The following NIBAN3 variants were observed in gnomAD, a reference collection of about 807,000 sequenced individuals.
NIBAN3 encodes niban apoptosis regulator 3, also known as protein Niban 3.
A neutral mutation model predicts 76.4 loss-of-function variants in NIBAN3; 66 were observed. The ratio of observed to expected loss-of-function variants is 0.86; its 90% CI spans 0.71 to 1.06. The LOEUF is 1.06. NIBAN3 is among the 50% of genes least tolerant of loss of function. The pLI is 0.00. For synonymous variants in NIBAN3, 360 were observed against 355.2 expected, an observed-to-expected ratio of 1.01 and a Z score of -0.15; for missense variants, 808 against 810.7, an observed-to-expected ratio of 1.00 and a Z score of 0.04.
Position 17,543,585 on chromosome 19 carries a change from T to A in NIBAN3, c.1508T>A (p.Ile503Asn). Residue 503 changes from isoleucine (I) to asparagine (N), a missense_variant, in exon 12 of 15, where the codon ATC becomes AAC. By Grantham distance (149) the Ile-to-Asn change is moderately radical. Coordinates refer to ENST00000599164, the MANE Select transcript of NIBAN3 (RefSeq NM_001321827.2). ...TTCATCCGAGGCTGGGGTCTCTGCA[T>A]CTTTTTACCTTTTGTGCTGAGCCAA... ...RRFIRGWGLC[I>N]FLPFVLSQLE... The A allele has an allele frequency of 6.2e-7, 1 of 1,614,142 alleles. No homozygotes were observed. The highest frequency in any genetic ancestry group is 8.5e-7 in the Non-Finnish European group (1 of 1,180,022).
At position 17,537,502 on chromosome 19, in the gene NIBAN3, GGA is replaced by G; in HGVS notation, c.556_557del (p.Arg186AlafsTer224). 6.2e-7 allele frequency: 1 copy of G among 1,611,208 alleles called. No homozygotes were observed. Among genetic ancestry groups the G allele is most frequent in the Non-Finnish European group, 8.5e-7 (1 of 1,179,870 alleles). ...GCCACCAGGGAGGCACAGCATGCCTGGAGGCTGGCCCTGCAGGGTGGCATCCG... is the reference window on the plus strand; with the variant it reads ...GCCACCAGGGAGGCACAGCATGCCTGGGCTGGCCCTGCAGGGTGGCATCCG... On this transcript the variant is annotated frameshift_variant, in exon 5 of 15. Transcript: ENST00000599164. LOFTEE classifies it high-confidence loss of function.
chr19:17,551,240 C>T (rs2076150148), intron 14 of NIBAN3, among the ~76,000 whole-genome samples: 1 of 151,630 alleles, frequency 6.6e-6, no homozygotes, highest in Non-Finnish European at 1.5e-5. Flanking sequence ...GGATTACAGG[C>T]GTCCACCACC....
In NIBAN3 at chr19:17,549,492, G is replaced by A; in HGVS notation, c.1715G>A (p.Gly572Asp). 1.2e-6 allele frequency: 2 copies of A among 1,613,934 alleles called. No individual in the cohort carries two copies. Among genetic ancestry groups the A allele is most frequent in the South Asian group, 2.2e-5 (2 of 91,086 alleles). The change falls in exon 14 of 15, where the codon GGC becomes GAC. Residue 572 changes from glycine (G) to aspartate (D), a missense_variant. By Grantham distance (94) the Gly-to-Asp change is moderately conservative (BLOSUM62 -1). Transcript: ENST00000599164. ...AATGATGTATCCTGCACTCTGGACG[G>A]CTGCTTGGAGGTCCCATGGGAACAG... ...GANDVSCTLD[G>D]CLEVPWEQEG...
At chr19:17,543,883 T>C (rs2076001947) in intron 12 of NIBAN3, 1 of 271,920 alleles carries the variant, frequency 3.7e-6, no homozygotes, top group Admixed American at 5.0e-5. Context: ...TTCCAGCTAC[T>C]CAGGAGGCTG....
Position 17,530,795 on chromosome 19 carries a change from C to T in NIBAN3, c.96C>T (p.Tyr32=). ...DTLLRNFLPC[Y]RGQLAASVLR... Reference sequence around the variant, plus strand: ...TGCTGAGGAACTTCCTGCCTTGCTACCGTGGGCAGCTGGCAGCGTCTGTCC... The same window carrying T: ...TGCTGAGGAACTTCCTGCCTTGCTATCGTGGGCAGCTGGCAGCGTCTGTCC... The change falls in exon 2 of 15, where the codon TAC becomes TAT. Residue 32 remains tyrosine (Y), a synonymous_variant. Coordinates refer to ENST00000599164, the MANE Select transcript of NIBAN3 (RefSeq NM_001321827.2). 6.2e-7 allele frequency: 1 copy of T among 1,613,302 alleles called. No individual in the cohort carries two copies. The highest frequency in any genetic ancestry group is 8.5e-7 in the Non-Finnish European group (1 of 1,179,570).
intron 1 of NIBAN3, among the ~76,000 whole-genome samples, chr19:17,527,667 C>A (rs998231053): frequency 1.3e-5 from 2 of 152,184 alleles, no homozygotes; most frequent in Admixed American, 6.6e-5. Flanking sequence ...CCGCCTTAAC[C>A]TCCCAAGTAG....
Position 17,547,406 on chromosome 19 carries a change from G to GT in NIBAN3, c.1666+610dup, listed in dbSNP as rs570971491. Among the ~76,000 whole-genome samples the GT allele has an allele frequency of 5.5e-3, 685 of 125,014 alleles. 8 individuals carry two copies. Among genetic ancestry groups the GT allele is most frequent in the African/African-American group, 0.02 (662 of 32,568 alleles). 82.0% of individuals were successfully genotyped at this position (125,014 alleles called of 152,430 possible). ...GTCTCGCTCTGTCACCCAGGCTGGA[G>GT]TGCAGTGGAACGATCTTGGCTCACT... is the stretch of plus-strand genomic sequence containing the variant. On this transcript the variant is annotated intron_variant, in intron 13 of 14. Coordinates refer to ENST00000599164, the MANE Select transcript of NIBAN3 (RefSeq NM_001321827.2).
Position 17,543,572 on chromosome 19 carries a change from T to C in NIBAN3, c.1495T>C (p.Trp499Arg). Residue 499 changes from tryptophan to arginine, a missense_variant, in exon 12 of 15, where the codon TGG (tryptophan) becomes CGG (arginine). By Grantham distance (101) the Trp-to-Arg change is moderately radical. Coordinates refer to ENST00000599164, the MANE Select transcript of NIBAN3 (RefSeq NM_001321827.2). ...GLAQRRFIRG[W>R]GLCIFLPFVL... is the part of the protein sequence containing the mutation. Reference sequence around the variant, plus strand: ...GGCGCAGAGGAGGTTCATCCGAGGCTGGGGTCTCTGCATCTTTTTACCTTT... The same window carrying C: ...GGCGCAGAGGAGGTTCATCCGAGGCCGGGGTCTCTGCATCTTTTTACCTTT... 6.2e-7 allele frequency: 1 copy of C among 1,614,126 alleles called. No homozygotes were observed. Among genetic ancestry groups the C allele is most frequent in the Non-Finnish European group, 8.5e-7 (1 of 1,180,022 alleles).
At position 17,552,944 on chromosome 19, in the gene NIBAN3, A is replaced by G. The variant is rs1294862840; in HGVS notation, c.*1046A>G. Reference sequence around the variant, plus strand: ...AATAAATAAATAAATAAATAAATAAATAAATAAATAAAATTTAAAAGAAGC... The same window carrying G: ...AATAAATAAATAAATAAATAAATAAGTAAATAAATAAAATTTAAAAGAAGC... On this transcript the variant is annotated 3_prime_UTR_variant, in exon 15 of 15. Transcript: ENST00000599164. 1.1e-5 allele frequency: 1 copy of G among 87,626 alleles called. No homozygotes were observed. Among genetic ancestry groups the G allele is most frequent in the Non-Finnish European group, 2.9e-5 (1 of 34,144 alleles). 5.4% of individuals were successfully genotyped at this position (87,626 alleles called of 1,614,324 possible).
chr19:17,542,129 A>G lies in NIBAN3; in HGVS notation c.1171-7A>G. On this transcript the variant is annotated splice_region_variant and splice_polypyrimidine_tract_variant and intron_variant, in intron 9 of 14. Coordinates refer to ENST00000599164, the MANE Select transcript of NIBAN3 (RefSeq NM_001321827.2). The surrounding 1 kb of genome is among the most constrained non-coding windows in gnomAD (Gnocchi z 4.8). ...TTTTTCCCCCAAAACTGCTTCCGGG[A>G]GCACAGGTTTACTCATTTGGGGAGA... The G allele has an allele frequency of 6.2e-7, 1 of 1,614,078 alleles. No individual in the cohort carries two copies. The highest frequency in any genetic ancestry group is 8.5e-7 in the Non-Finnish European group (1 of 1,180,006).
chr19:17,527,404 C>A lies in NIBAN3; in HGVS notation c.55+9C>A. 1 of 1,516,688 alleles carries A rather than the reference C, an allele frequency of 6.6e-7. No homozygotes were observed. The highest frequency in any genetic ancestry group is 1.3e-5 in the South Asian group (1 of 78,690). The allele number at this position is 1,516,688 out of a possible 1,614,324, so 94.0% of individuals were successfully genotyped here. A position where few individuals can be genotyped will look rare whatever the true frequency, so the allele number is the denominator to read the frequency against. ...GCGGCAGCACCTAAGGGGTGAGCAGCCGGGGAGGGGACAGGGTGGGAGTCC... is the reference window on the plus strand; with the variant it reads ...GCGGCAGCACCTAAGGGGTGAGCAGACGGGGAGGGGACAGGGTGGGAGTCC... On this transcript the variant is annotated intron_variant, in intron 1 of 14. Coordinates refer to ENST00000599164, the MANE Select transcript of NIBAN3 (RefSeq NM_001321827.2).
At chr19:17,524,597 A>T (rs1197299737), upstream of NIBAN3, among the ~76,000 whole-genome samples, 2 of 152,184 alleles carry the variant, frequency 1.3e-5, no homozygotes, top group Non-Finnish European at 2.9e-5. Flanking sequence ...AAAAACATAA[A>T]TTTTTTTAAA....
chr19:17,533,386 G>A (rs2075764889), intron 3 of NIBAN3: 1 of 506,448 alleles, frequency 2.0e-6, no homozygotes, highest in Non-Finnish European at 3.5e-6. Flanking sequence ...CTCCAGCCTG[G>A]GTGACAGAGT....
At position 17,543,388 on chromosome 19, in the gene NIBAN3, C is replaced by T. The variant is rs1599745037; in HGVS notation, c.1401C>T (p.Asp467=). The part of the protein sequence containing the change: ...DQCLTTALNC[D]QAAQRLERVR... ...GTCTGACGACGGCCCTCAACTGTGACCAGGCTGCCCAGAGGCTGGAGAGAG... is the reference window on the plus strand; with the variant it reads ...GTCTGACGACGGCCCTCAACTGTGATCAGGCTGCCCAGAGGCTGGAGAGAG... The change falls in exon 11 of 15, where the codon GAC becomes GAT. Residue 467 remains aspartate (D), a synonymous_variant. Transcript: ENST00000599164. 5 of 1,608,682 alleles carry T rather than the reference C, an allele frequency of 3.1e-6. No individual in the cohort carries two copies. Among genetic ancestry groups the T allele is most frequent in the Non-Finnish European group, 4.3e-6 (5 of 1,175,980 alleles).
chr19:17,539,577 TG>T, intron 7 of NIBAN3, 25 bp from the exon 8 acceptor site: 1 of 1,509,764 alleles, frequency 6.6e-7, no homozygotes, highest in Non-Finnish European at 8.9e-7. Flanking sequence ...GTCTCGGCTT[TG>T]TCCCCCCTCG....
rs761525724 is a variant in NIBAN3 at position 17,533,700 on chromosome 19, G to A, written c.426G>A (p.Leu142=). The A allele has an allele frequency of 5.6e-6, 9 of 1,611,430 alleles. No homozygotes were observed. The South Asian group carries it at 9.9e-5, about 18-fold the overall frequency. ...RLLDALCPES[L]GDHTQEEPDS... is the part of the protein sequence containing the mutation. ...TGGATGCTCTCTGCCCTGAATCCTT[G>A]GGTAAGGGTCCCGGGGTTCCCAGGA... is the stretch of plus-strand genomic sequence containing the variant. Residue 142 remains leucine (L), a splice_region_variant and synonymous_variant, in exon 4 of 15, where the codon TTG becomes TTA. Transcript: ENST00000599164.
chr19:17,532,496 T>C, intron 3 of NIBAN3, 108 bp downstream of exon 3: 1 of 1,526,804 alleles, frequency 6.5e-7, no homozygotes, highest in Non-Finnish European at 9.0e-7. Flanking sequence ...CCTCTATCAA[T>C]CACCCAGGAT....
rs769018321 is a variant in NIBAN3 at position 17,539,158 on chromosome 19, C to A, written c.604C>A (p.Arg202=). The part of the protein sequence containing the change: ...GIRLQGIVLQ[R]SQAPAARAFL... ...GGAGCAGCCCCTCTCAGTCCTGCAG[C>A]GAAGCCAGGCCCCTGCTGCCCGGGC... The change falls in exon 6 of 15, where the codon CGA becomes AGA. Residue 202 remains arginine (R), a synonymous_variant. Transcript: ENST00000599164. 6.3e-7 allele frequency: 1 copy of A among 1,589,982 alleles called. No homozygotes were observed. Among genetic ancestry groups the A allele is most frequent in the Non-Finnish European group, 8.6e-7 (1 of 1,169,044 alleles).
intron 13 of NIBAN3, among the ~76,000 whole-genome samples, chr19:17,547,775 C>G (rs1308712544): frequency 6.6e-6 from 1 of 152,060 alleles, no homozygotes; most frequent in East Asian, 1.9e-4. Flanking sequence ...TCAAGCCATT[C>G]TCCTGTCTCA....
Sources: allele counts gnomAD v4.1 joint callset (sites outside exome capture counted in the v4.1 genomes callset), GRCh38; gene constraint gnomAD v4.1.1; non-coding constraint Gnocchi (gnomAD v3.1); transcripts MANE v1.5; gene names NCBI Gene and HGNC (gene_info 2026-07-23, HGNC 2026-07-21).